The following GALNT18 variants were observed in gnomAD, a reference collection of about 807,000 sequenced individuals.
GALNT18 encodes GalNAc-transferase 18.
GALNT18 carries 44 observed loss-of-function variants against 69.5 expected under a neutral mutation model. The ratio of observed to expected loss-of-function variants is 0.63; its 90% CI spans 0.50 to 0.81. GALNT18 has a LOEUF of 0.81. Ranked by LOEUF, GALNT18 falls within the 40% of genes least tolerant of loss-of-function variation. The pLI is 0.00. For synonymous variants in GALNT18, 364 were observed against 318.2 expected (o/e 1.14, Z -1.53); for missense variants, 715 against 810.0 (o/e 0.88, Z 1.42).
chr11:11,585,788 C>T (rs914538269), intron 1 of GALNT18, among the ~76,000 whole-genome samples: 1 of 148,280 alleles, frequency 6.7e-6, no homozygotes, highest in Non-Finnish European at 1.5e-5. Context: ...AACAAGGCCA[C>T]TCTTCTCAAT....
At chr11:11,400,867 T>C (rs894800708) in intron 3 of GALNT18, among the ~76,000 whole-genome samples, 1 of 151,960 alleles carries the variant, frequency 6.6e-6, no homozygotes, top group Non-Finnish European at 1.5e-5. Context: ...TCTCTTTCTA[T>C]TGGGACCGTG....
chr11:11,485,839 CT>C (rs903041946), intron 1 of GALNT18, among the ~76,000 whole-genome samples: 8 of 152,308 alleles, frequency 5.3e-5, no homozygotes, highest in African/African-American at 1.9e-4. Context: ...GCAGGGAAAC[CT>C]TGTGTGGTAA....
chr11:11,475,032 G>A (rs995700800), intron 1 of GALNT18: 4 of 152,122 alleles, frequency 2.6e-5, no homozygotes, highest in African/African-American at 9.7e-5. Flanking sequence ...CCTAGCACAG[G>A]GTAGGCATCT....
intron 3 of GALNT18, among the ~76,000 whole-genome samples, chr11:11,419,426 G>T (rs11021843): frequency 0.3 from 44,824 of 151,096 alleles, 7,720 homozygotes; most frequent in East Asian, 0.66. Context: ...GCGAAACCTT[G>T]TCTCTACTAA....
At chr11:11,514,638 T>C (rs1437990811) in intron 1 of GALNT18, among the ~76,000 whole-genome samples, 1 of 152,154 alleles carries the variant, frequency 6.6e-6, no homozygotes, top group African/African-American at 2.4e-5. Flanking sequence ...AAGGAAACCA[T>C]CAGTAGTTCA....
At chr11:11,471,001 C>G (rs1423961351) in intron 1 of GALNT18, among the ~76,000 whole-genome samples, 1 of 152,158 alleles carries the variant, frequency 6.6e-6, no homozygotes, top group Non-Finnish European at 1.5e-5. Flanking sequence ...CCTCTTTCTC[C>G]TGTATCTTCC....
chr11:11,522,114 G>C (rs1026386646), intron 1 of GALNT18, among the ~76,000 whole-genome samples: 2 of 152,102 alleles, frequency 1.3e-5, no homozygotes, highest in African/African-American at 4.8e-5. Context: ...AGGAAGGAAG[G>C]AAGGCCCTAG....
chr11:11,565,250 C>T (rs1053324836), intron 1 of GALNT18, among the ~76,000 whole-genome samples: 16 of 152,194 alleles, frequency 1.1e-4, no homozygotes, highest in African/African-American at 3.4e-4. Context: ...CTCCTTCTGT[C>T]GCCTGCTAAT....
intron 1 of GALNT18, among the ~76,000 whole-genome samples, chr11:11,521,834 T>C (rs1382175678): frequency 6.6e-6 from 1 of 152,120 alleles, no homozygotes; most frequent in South Asian, 2.1e-4. Flanking sequence ...CACTTCACCA[T>C]AGAGTCCCAG....
intron 1 of GALNT18, among the ~76,000 whole-genome samples, chr11:11,597,822 G>A (rs1374025385): frequency 5.3e-5 from 8 of 151,806 alleles, no homozygotes; most frequent in Non-Finnish European, 1.0e-4. Flanking sequence ...CACCACGCCC[G>A]GCTAATTTTT....
At chr11:11,393,862 CT>C (rs1854256107) in intron 3 of GALNT18, among the ~76,000 whole-genome samples, 1 of 152,262 alleles carries the variant, frequency 6.6e-6, no homozygotes, top group African/African-American at 2.4e-5. Context: ...AGAAATATTA[CT>C]TCCCTGGTAG....
intron 1 of GALNT18, among the ~76,000 whole-genome samples, chr11:11,535,144 G>A (rs1013722546): frequency 5.3e-5 from 8 of 152,232 alleles, no homozygotes; most frequent in Non-Finnish European, 2.9e-5. Context: ...TCAGCCCACA[G>A]TGCAGTGCTT....
chr11:11,559,698 T>C (rs1479181913), intron 1 of GALNT18, among the ~76,000 whole-genome samples: 1 of 149,718 alleles, frequency 6.7e-6, no homozygotes, highest in Non-Finnish European at 1.5e-5. Flanking sequence ...TGGAATGGAA[T>C]AGAATGAGAT....
chr11:11,601,648 T>C lies in GALNT18; in HGVS notation c.235+19711A>G, dbSNP rs1859637110. 6.6e-6 allele frequency among the ~76,000 whole-genome samples: 1 copy of C among 152,208 alleles called. No homozygotes were observed. The highest frequency in any genetic ancestry group is 1.5e-5 in the Non-Finnish European group (1 of 68,042). ...GGGGTTCTTTTGGCAGGGATTTTCT[T>C]TGAGGCCAGTTTTTGAGGCTTTCTT... is the stretch of plus-strand genomic sequence containing the variant. On this transcript the variant is annotated intron_variant, in intron 1 of 10. Coordinates refer to ENST00000227756, the MANE Select transcript of GALNT18 (RefSeq NM_198516.3). This position sits in a 1 kb window ranked among gnomAD's most constrained non-coding sequence, Gnocchi z 4.0.
rs117673886 is a variant in GALNT18 at position 11,423,065 on chromosome 11, C to T, written c.595+9556G>A. On this transcript the variant is annotated intron_variant, in intron 3 of 10. Transcript: ENST00000227756. ...TGCTGCTTATGCATGCACACTACTG[C>T]GTAAGTGCGCACACACAGGTCCGCA... Among the ~76,000 whole-genome samples, 1,472 of 152,248 alleles carry T rather than the reference C, an allele frequency of 9.7e-3. 38 individuals carry two copies. In the East Asian group the frequency reaches 0.1, roughly 11 times the overall value.
chr11:11,530,983 G>A (rs1362716326), intron 1 of GALNT18, among the ~76,000 whole-genome samples: 1 of 152,184 alleles, frequency 6.6e-6, no homozygotes, highest in African/African-American at 2.4e-5. Context: ...CACTCACTGA[G>A]GACAACACTG....
At chr11:11,388,839 T>A (rs1460278635) in intron 3 of GALNT18, among the ~76,000 whole-genome samples, 4 of 152,246 alleles carry the variant, frequency 2.6e-5, no homozygotes, top group Non-Finnish European at 5.9e-5. Flanking sequence ...GAGCCTCACC[T>A]CGTTACCACC....
At chr11:11,434,840 C>T (rs1160567999) in intron 2 of GALNT18, among the ~76,000 whole-genome samples, 1 of 152,130 alleles carries the variant, frequency 6.6e-6, no homozygotes, top group African/African-American at 2.4e-5. Flanking sequence ...AATGTGAATA[C>T]AATTTTTAGA....
intron 10 of GALNT18, among the ~76,000 whole-genome samples, chr11:11,274,795 G>A (rs892658220): frequency 2.0e-5 from 3 of 152,220 alleles, no homozygotes; most frequent in Non-Finnish European, 4.4e-5. Context: ...GTGAGAACAC[G>A]TGGTGTTTGG....
Sources: gnomAD v4.1 joint callset for allele counts (sites outside exome capture counted in the v4.1 genomes callset) on GRCh38, gnomAD v4.1.1 for gene constraint, Gnocchi (gnomAD v3.1) non-coding constraint, MANE v1.5 for transcripts, NCBI Gene and HGNC (gene_info 2026-07-23, HGNC 2026-07-21) for gene names.